CLEC2A: variants seen among roughly 807,000 people sequenced by gnomAD.
CLEC2A encodes C-type lectin domain family 2 member A, also known as keratinocyte-associated C-type lectin.
Under a neutral mutation model 18.6 loss-of-function variants are expected in CLEC2A, and 19 were observed. The ratio of observed to expected loss-of-function variants is 1.02; its 90% confidence interval spans 0.71 to 1.50. The LOEUF is 1.50. Among genes scored for constraint, CLEC2A ranks in the 40% most tolerant of loss-of-function variants. CLEC2A has a pLI of 0.00. For synonymous variants in CLEC2A, 74 were observed against 64.0 expected (o/e 1.16, Z -0.75); for missense variants, 190 against 207.9 (o/e 0.91, Z 0.53).
At chr12:9,927,877 G>C (rs75564697) in intron 1 of CLEC2A, among the ~76,000 whole-genome samples, 194 of 151,588 alleles carry the variant, frequency 1.3e-3, no homozygotes, top group African/African-American at 4.6e-3. Context: ...CAAGGAAGAA[G>C]AAAAGATAAA....
At chr12:9,916,669 T>C in intron 4 of CLEC2A, 31 bp downstream of exon 4, 1 of 1,316,142 alleles carries the variant, frequency 7.6e-7, no homozygotes, top group South Asian at 1.3e-5. Flanking sequence ...CACACCAGAA[T>C]AAGAACATTG....
chr12:9,929,256 T>C (rs1863331206), intron 1 of CLEC2A, among the ~76,000 whole-genome samples: 1 of 152,160 alleles, frequency 6.6e-6, no homozygotes, highest in Admixed American at 6.5e-5. Context: ...TATAATTCCT[T>C]TTGTTTTCTT....
intron 2 of CLEC2A, 39 bp downstream of exon 2, chr12:9,926,221 G>A: frequency 8.2e-7 from 1 of 1,225,052 alleles, no homozygotes; most frequent in Non-Finnish European, 1.2e-6. Flanking sequence ...CCCTTCAGGA[G>A]TGAAGAACCA....
chr12:9,895,921 A>C (rs1862751331), downstream of CLEC2A: 4 of 1,301,828 alleles, frequency 3.1e-6, no homozygotes, highest in Non-Finnish European at 4.0e-6. Context: ...TTTCTAACAG[A>C]AAGTTTCTGC....
At chr12:9,884,647 A>G in the CLEC2A span, among the ~76,000 whole-genome samples, 2 of 149,242 alleles carry the variant, frequency 1.3e-5, no homozygotes, top group African/African-American at 4.9e-5. Context: ...ATCATATATA[A>G]TATGTATTTG....
downstream of CLEC2A, among the ~76,000 whole-genome samples, chr12:9,908,746 T>C (rs946109221): frequency 2.0e-5 from 3 of 152,214 alleles, no homozygotes; most frequent in African/African-American, 4.8e-5. Context: ...GTCTTTTCTC[T>C]GTTTTGGGAT....
At chr12:9,921,924 T>C in intron 3 of CLEC2A, 142 bp downstream of exon 3, 1 of 631,174 alleles carries the variant, frequency 1.6e-6, no homozygotes, top group East Asian at 3.3e-5. Context: ...AGAGGAAAAA[T>C]AATCCAGGTA....
chr12:9,888,789 C>G, the CLEC2A span: 3 of 1,484,320 alleles, frequency 2.0e-6, no homozygotes, highest in Non-Finnish European at 2.7e-6. Context: ...AGGTAATACT[C>G]TTTTTGTTTG....
chr12:9,892,361 G>T, the CLEC2A span, among the ~76,000 whole-genome samples: 1 of 152,152 alleles, frequency 6.6e-6, no homozygotes, highest in Non-Finnish European at 1.5e-5. Flanking sequence ...AGACAATCTT[G>T]AAATGTCAAA....
chr12:9,927,356 A>C (rs1863291618), intron 1 of CLEC2A, among the ~76,000 whole-genome samples: 1 of 152,206 alleles, frequency 6.6e-6, no homozygotes, highest in African/African-American at 2.4e-5. Flanking sequence ...AGGCAGCTTC[A>C]TTGTAATCTT....
chr12:9,898,822 A>C, exon 5 of CLEC2A: 1 of 663,528 alleles, frequency 1.5e-6, no homozygotes, highest in Non-Finnish European at 2.8e-6. Flanking sequence ...TATTAAGGAT[A>C]AGGATGAAGA....
chr12:9,888,827 A>G, the CLEC2A span: 2 of 1,197,818 alleles, frequency 1.7e-6, no homozygotes, highest in Admixed American at 4.1e-5. Flanking sequence ...GGGTAAATTT[A>G]GTTTTGGCTT....
intron 4 of CLEC2A, among the ~76,000 whole-genome samples, chr12:9,901,017 A>G (rs1423069517): frequency 6.6e-6 from 1 of 152,218 alleles, no homozygotes; most frequent in Non-Finnish European, 1.5e-5. Context: ...TCTTGATTAC[A>G]GGAGTATACA....
chr12:9,915,524 T>C (rs891096015), intron 4 of CLEC2A, among the ~76,000 whole-genome samples: 1 of 152,008 alleles, frequency 6.6e-6, no homozygotes, highest in African/African-American at 2.4e-5. Flanking sequence ...TGTTCAACCA[T>C]AAAAAAGAAT....
the CLEC2A span, chr12:9,892,936 T>G: frequency 3.0e-5 from 36 of 1,194,798 alleles, no homozygotes; most frequent in Non-Finnish European, 4.1e-5. Flanking sequence ...AAAATCTATT[T>G]TCCAAGTAGT....
At chr12:9,932,235 C>G (rs752004792) in intron 1 of CLEC2A, 40 bp downstream of exon 1, 2 of 1,412,954 alleles carry the variant, frequency 1.4e-6, no homozygotes, top group East Asian at 2.5e-5. Flanking sequence ...TTTGTTTTAT[C>G]TTTCCTTTAC....
chr12:9,903,790 A>G (rs77390111), intron 4 of CLEC2A, among the ~76,000 whole-genome samples: 2,504 of 152,266 alleles, frequency 0.016, 64 homozygotes, highest in African/African-American at 0.057. Context: ...AGGGACTCAA[A>G]CCCAGCAATT....
chr12:9,910,821 C>A (rs532790881), downstream of CLEC2A, among the ~76,000 whole-genome samples: 1 of 152,074 alleles, frequency 6.6e-6, no homozygotes, highest in Non-Finnish European at 1.5e-5. Flanking sequence ...CTGAGGCCAA[C>A]GCAACGAGAG....
At chr12:9,904,451 T>C (rs1421962999) in intron 4 of CLEC2A, among the ~76,000 whole-genome samples, 1 of 152,190 alleles carries the variant, frequency 6.6e-6, no homozygotes, top group African/African-American at 2.4e-5. Flanking sequence ...GGCATTTGCA[T>C]CTTTGTACCC....
Sources: gnomAD v4.1 joint callset for allele counts (sites outside exome capture counted in the v4.1 genomes callset) on GRCh38, gnomAD v4.1.1 for gene constraint, MANE v1.5 for transcripts, NCBI Gene and HGNC (gene_info 2026-07-23, HGNC 2026-07-21) for gene names.